EIF4E: variants seen among roughly 807,000 people sequenced by gnomAD.
The protein encoded by EIF4E is eukaryotic translation initiation factor 4E.
For missense variants in EIF4E, 113 were observed against 265.6 expected (o/e 0.43, Z 3.99); for synonymous variants, 71 against 88.5 (o/e 0.80, Z 1.11).
At chr4:98,904,240 G>A (rs1446012025) in intron 1 of EIF4E, among the ~76,000 whole-genome samples, 1 of 152,178 alleles carries the variant, frequency 6.6e-6, no homozygotes, top group African/African-American at 2.4e-5. Context: ...CGAGAGGACT[G>A]CTTGAGTCCA....
At position 98,882,433 on chromosome 4, in the gene EIF4E, A is replaced by T. The variant is rs1444822860; in HGVS notation, c.540-1291T>A. On this transcript the variant is annotated intron_variant, in intron 6 of 6. Coordinates refer to ENST00000450253, the MANE Select transcript of EIF4E (RefSeq NM_001968.5). ...AAAAAAAGAAAAAAGAATCTTTAGG[A>T]AAAAAATAGTAAAAATTCAAAAATA... is the stretch of plus-strand genomic sequence containing the variant. Among the ~76,000 whole-genome samples the T allele has an allele frequency of 2.0e-5, 3 of 151,522 alleles. No homozygotes were observed. The South Asian group carries it at 6.2e-4, about 32-fold the overall frequency.
At chr4:98,910,471 A>G (rs1725075057) in intron 1 of EIF4E, among the ~76,000 whole-genome samples, 2 of 152,236 alleles carry the variant, frequency 1.3e-5, no homozygotes, top group Admixed American at 1.3e-4. Flanking sequence ...GATGATGTGT[A>G]CAAATTGTGC....
At chr4:98,899,164 T>C (rs1724541974) in intron 2 of EIF4E, among the ~76,000 whole-genome samples, 2 of 152,046 alleles carry the variant, frequency 1.3e-5, no homozygotes, top group South Asian at 4.1e-4. Context: ...CTTGGGTGAG[T>C]TAGCACTCTA....
chr4:98,888,915 C>A (rs1471432053), intron 3 of EIF4E, among the ~76,000 whole-genome samples: 1 of 152,050 alleles, frequency 6.6e-6, no homozygotes, highest in East Asian at 1.9e-4. Flanking sequence ...AATCCCAGCA[C>A]TTTGGGAGGC....
intron 1 of EIF4E, among the ~76,000 whole-genome samples, chr4:98,925,326 T>C (rs187716464): frequency 6.6e-5 from 10 of 152,008 alleles, no homozygotes; most frequent in Non-Finnish European, 1.5e-4. Context: ...CAAAAAAAAA[T>C]TTTTTTAATT....
intron 2 of EIF4E, among the ~76,000 whole-genome samples, chr4:98,900,199 G>A (rs1359289858): frequency 6.6e-6 from 1 of 151,888 alleles, no homozygotes; most frequent in Non-Finnish European, 1.5e-5. Context: ...GCTACTATTA[G>A]GTTAAACTAT....
intron 6 of EIF4E, among the ~76,000 whole-genome samples, chr4:98,883,912 A>T (rs1723804626): frequency 6.6e-6 from 1 of 151,480 alleles, no homozygotes; most frequent in Admixed American, 6.6e-5. Context: ...GGTCATACAC[A>T]CCTGTAGTTG....
At chr4:98,916,190 CA>C (rs1006759985) in intron 1 of EIF4E, among the ~76,000 whole-genome samples, 2 of 128,372 alleles carry the variant, frequency 1.6e-5, no homozygotes, top group Non-Finnish European at 3.2e-5. Flanking sequence ...GGCTCTGTCT[CA>C]AAAAAAAAGT....
chr4:98,892,336 C>CCAAAAAAAAAAAAAAAAA (rs201936292), intron 2 of EIF4E, among the ~76,000 whole-genome samples: 2 of 131,228 alleles, frequency 1.5e-5, no homozygotes, highest in African/African-American at 5.9e-5. Flanking sequence ...AACAAAAAAA[C>CCAAAAAAAAAAAAAAAAA]AAACAAAAAA....
chr4:98,915,734 G>A (rs1725349158), intron 1 of EIF4E, among the ~76,000 whole-genome samples: 1 of 151,290 alleles, frequency 6.6e-6, no homozygotes, highest in Non-Finnish European at 1.5e-5. Flanking sequence ...TAGAGATGGG[G>A]TTTCGCCATG....
At chr4:98,917,150 C>T (rs1047407283) in intron 1 of EIF4E, among the ~76,000 whole-genome samples, 2 of 148,646 alleles carry the variant, frequency 1.3e-5, no homozygotes, top group African/African-American at 5.0e-5. Flanking sequence ...AACCCAAATG[C>T]TCAAGTGTCC....
chr4:98,928,309 C>A (rs1325803100), intron 1 of EIF4E, among the ~76,000 whole-genome samples: 1 of 152,022 alleles, frequency 6.6e-6, no homozygotes. Flanking sequence ...AGCCCAGTCC[C>A]AAGCATGGAG....
intron 1 of EIF4E, among the ~76,000 whole-genome samples, chr4:98,902,646 G>A (rs531723121): frequency 1.1e-4 from 17 of 151,972 alleles, no homozygotes; most frequent in Non-Finnish European, 2.4e-4. Context: ...TACTGCATAT[G>A]GTACTGAAGG....
chr4:98,914,758 C>G (rs1284007104), intron 1 of EIF4E, among the ~76,000 whole-genome samples: 10 of 152,056 alleles, frequency 6.6e-5, no homozygotes, highest in African/African-American at 2.4e-4. Context: ...GGAGTGAACC[C>G]TAATGTAAAG....
intron 1 of EIF4E, among the ~76,000 whole-genome samples, chr4:98,923,493 T>G (rs1306387512): frequency 1.3e-5 from 2 of 151,812 alleles, no homozygotes; most frequent in African/African-American, 4.8e-5. Flanking sequence ...TTTAATTTTT[T>G]GGAGAGACAG....
rs370613252 is a variant in EIF4E at position 98,888,718 on chromosome 4, A to G, written c.222-766T>C. Among the ~76,000 whole-genome samples the G allele has an allele frequency of 1.2e-4, 19 of 152,318 alleles. No individual in the cohort carries two copies. The East Asian group carries it at 3.1e-3, about 25-fold the overall frequency. On this transcript the variant is annotated intron_variant, in intron 3 of 6. Coordinates refer to ENST00000450253, the MANE Select transcript of EIF4E (RefSeq NM_001968.5). ...CTTTTACAGCAAAATTGATTTAAAA[A>G]TTGGCAACTCTTAAGAATCTTTTGC... is the stretch of plus-strand genomic sequence containing the variant.
At chr4:98,888,166 C>T (rs911299194) in intron 3 of EIF4E, among the ~76,000 whole-genome samples, 3 of 152,036 alleles carry the variant, frequency 2.0e-5, no homozygotes, top group Non-Finnish European at 4.4e-5. Context: ...TTCAAAAAAA[C>T]TTCTAGTGAC....
At chr4:98,922,994 T>C (rs1276391182) in intron 1 of EIF4E, among the ~76,000 whole-genome samples, 1 of 151,870 alleles carries the variant, frequency 6.6e-6, no homozygotes, top group East Asian at 1.9e-4. Flanking sequence ...GTTACAGGCA[T>C]GTGCCACCAT....
Position 98,880,140 on chromosome 4 carries a change from A to G in EIF4E, c.*888T>C, listed in dbSNP as rs1018066095. ...ATGAATGGGACTGCTTTTCTACTTG[A>G]GCCATTTTTAACCAAAGCAAAATAA... On this transcript the variant is annotated 3_prime_UTR_variant, in exon 7 of 7. Transcript: ENST00000450253. The G allele has an allele frequency of 6.6e-6, 1 of 152,414 alleles. No individual in the cohort carries two copies. Among genetic ancestry groups the G allele is most frequent in the Non-Finnish European group, 1.5e-5 (1 of 67,952 alleles). The allele number at this position is 152,414 out of a possible 1,614,324, so 9.4% of individuals were successfully genotyped here. A position where few individuals can be genotyped will look rare whatever the true frequency, so the allele number is the denominator to read the frequency against.
Sources: gnomAD v4.1 joint callset for allele counts (sites outside exome capture counted in the v4.1 genomes callset) on GRCh38, gnomAD v4.1.1 for gene constraint, MANE v1.5 for transcripts, NCBI Gene and HGNC (gene_info 2026-07-23, HGNC 2026-07-21) for gene names.